The following ROBO1 variants were observed in gnomAD, a reference collection of about 807,000 sequenced individuals.
ROBO1 encodes roundabout homolog 1.
Under a neutral mutation model 195.9 loss-of-function variants are expected in ROBO1, and 149 were observed. The ratio of observed to expected loss-of-function variants is 0.76; its 90% CI spans 0.67 to 0.87. The LOEUF is 0.87. ROBO1 is among the 40% of genes least tolerant of loss of function. ROBO1 has a pLI of 0.00. For synonymous variants in ROBO1, 816 were observed against 733.2 expected, an observed-to-expected ratio of 1.11 and a Z score of -1.82; for missense variants, 1,933 against 2,068.3, an observed-to-expected ratio of 0.93 and a Z score of 1.27.
At chr3:79,165,199 G>A (rs1172299446) in intron 2 of ROBO1, among the ~76,000 whole-genome samples, 1 of 152,134 alleles carries the variant, frequency 6.6e-6, no homozygotes. Flanking sequence ...TATCATTCAC[G>A]CTAACAGTGG....
At chr3:79,295,324 T>C (rs1451065485) in intron 2 of ROBO1, among the ~76,000 whole-genome samples, 2 of 152,070 alleles carry the variant, frequency 1.3e-5, no homozygotes, top group Admixed American at 1.3e-4. Context: ...TTAGAAACCA[T>C]CATTCTCAGC....
At chr3:79,025,689 TA>T (rs2078191230) in intron 3 of ROBO1, among the ~76,000 whole-genome samples, 1 of 152,228 alleles carries the variant, frequency 6.6e-6, no homozygotes, top group Non-Finnish European at 1.5e-5. Flanking sequence ...CAGGGGACTT[TA>T]ATAACTTCAA....
intron 3 of ROBO1, among the ~76,000 whole-genome samples, chr3:78,992,295 T>G (rs1038075676): frequency 1.3e-5 from 2 of 152,058 alleles, no homozygotes; most frequent in African/African-American, 4.8e-5. Flanking sequence ...CCTCCACATG[T>G]CATTTCCTTG....
chr3:79,213,812 CTT>C (rs2082005626), intron 2 of ROBO1, among the ~76,000 whole-genome samples: 1 of 131,026 alleles, frequency 7.6e-6, no homozygotes, highest in African/African-American at 2.7e-5. Context: ...TAACTCTCCC[CTT>C]TCTTTTTTTT....
chr3:78,952,482 AATT>A (rs1484083935), intron 3 of ROBO1, among the ~76,000 whole-genome samples: 1 of 151,920 alleles, frequency 6.6e-6, no homozygotes, highest in African/African-American at 2.4e-5. Context: ...AACTGCCTCC[AATT>A]ATTAACATAA....
chr3:78,855,727 C>A lies in ROBO1; in HGVS notation c.499+82874G>T, dbSNP rs1171441771. Among the ~76,000 whole-genome samples, 3 of 151,328 alleles carry A rather than the reference C, an allele frequency of 2.0e-5. No homozygotes were observed. In the East Asian group the frequency reaches 5.9e-4, roughly 30 times the overall value. ...CTTAACTTTAAGACTAGGTCACAGA[C>A]AAGAATAACAAGGAAGAAACGTCTG... On this transcript the variant is annotated intron_variant, in intron 4 of 30. Transcript: ENST00000464233.
chr3:79,535,028 C>T (rs1053596485), intron 2 of ROBO1, among the ~76,000 whole-genome samples: 1 of 152,024 alleles, frequency 6.6e-6, no homozygotes, highest in South Asian at 2.1e-4. Context: ...ATCTTTTATA[C>T]GATCTCTCCT....
chr3:79,493,556 G>C (rs1448749058), intron 2 of ROBO1, among the ~76,000 whole-genome samples: 2 of 151,734 alleles, frequency 1.3e-5, no homozygotes, highest in African/African-American at 2.4e-5. Context: ...TTTGTTTTTT[G>C]TTTTGGTTAG....
At chr3:79,433,275 C>G (rs184079026) in intron 2 of ROBO1, among the ~76,000 whole-genome samples, 1 of 152,108 alleles carries the variant, frequency 6.6e-6, no homozygotes, top group Non-Finnish European at 1.5e-5. Context: ...GTAGAACATG[C>G]GGTATTTGGT....
intron 2 of ROBO1, among the ~76,000 whole-genome samples, chr3:79,569,762 G>A (rs1943217847): frequency 1.3e-5 from 2 of 151,590 alleles, no homozygotes; most frequent in African/African-American, 2.4e-5. Flanking sequence ...GACAATTCCT[G>A]AAGCTTTAGT....
intron 8 of ROBO1, among the ~76,000 whole-genome samples, chr3:78,713,830 G>T (rs1334025552): frequency 1.3e-5 from 2 of 152,208 alleles, no homozygotes; most frequent in South Asian, 2.1e-4. Flanking sequence ...AAGTACAACT[G>T]CAATTCGTTC....
Position 79,104,598 on chromosome 3 carries a change from C to T in ROBO1, c.172+20858G>A, listed in dbSNP as rs142448359. ...TATTTAAGATGCATGAGTCACTTGT[C>T]CAGCGATAGGCTTGCATTATCACTC... is the stretch of plus-strand genomic sequence containing the variant. On this transcript the variant is annotated intron_variant, in intron 3 of 30. Coordinates refer to ENST00000464233, the MANE Select transcript of ROBO1 (RefSeq NM_002941.4). Among the ~76,000 whole-genome samples, 606 of 151,660 alleles carry T rather than the reference C, an allele frequency of 4.0e-3. 6 individuals are homozygous for T. The highest frequency in any genetic ancestry group is 0.014 in the African/African-American group (569 of 41,460).
At chr3:78,866,678 T>C (rs957414890) in intron 4 of ROBO1, among the ~76,000 whole-genome samples, 3 of 152,198 alleles carry the variant, frequency 2.0e-5, no homozygotes, top group African/African-American at 7.2e-5. Flanking sequence ...AACTCTTATA[T>C]TGTTTAGTAA....
At chr3:79,359,579 G>T (rs1387094391) in intron 2 of ROBO1, among the ~76,000 whole-genome samples, 3 of 151,902 alleles carry the variant, frequency 2.0e-5, no homozygotes, top group Non-Finnish European at 4.4e-5. Flanking sequence ...GTCATGATAG[G>T]TTATATTTTC....
chr3:78,604,426 T>C (rs868532954), intron 29 of ROBO1, among the ~76,000 whole-genome samples: 1 of 152,198 alleles, frequency 6.6e-6, no homozygotes, highest in Non-Finnish European at 1.5e-5. Flanking sequence ...TGGCCAGATA[T>C]AAACCTCGCA....
In ROBO1 at chr3:78,776,508, C is replaced by T. The variant is rs182251325; in HGVS notation, c.500-29608G>A. On this transcript the variant is annotated intron_variant, in intron 4 of 30. Transcript: ENST00000464233. ...CACGTGATCCACCCACCTTGGCCTCCCAAAGTGCTGGGATCAGAGGCGTGA... is the reference window on the plus strand; with the variant it reads ...CACGTGATCCACCCACCTTGGCCTCTCAAAGTGCTGGGATCAGAGGCGTGA... 6.0e-3 allele frequency among the ~76,000 whole-genome samples: 918 copies of T among 152,260 alleles called. 10 individuals are homozygous for T. The highest frequency in any genetic ancestry group is 0.034 in the South Asian group (165 of 4,830).
chr3:79,128,206 T>G (rs1416449222), intron 2 of ROBO1, among the ~76,000 whole-genome samples: 1 of 152,150 alleles, frequency 6.6e-6, no homozygotes, highest in African/African-American at 2.4e-5. Context: ...AGGTCCTATA[T>G]TCCAGCTCTG....
At chr3:78,999,144 T>TA (rs374494794) in intron 3 of ROBO1, among the ~76,000 whole-genome samples, 3 of 150,830 alleles carry the variant, frequency 2.0e-5, no homozygotes, top group African/African-American at 4.9e-5. Flanking sequence ...GGAGATACCG[T>TA]AAAAAAAAAG....
chr3:79,493,509 T>C (rs1390396655), intron 2 of ROBO1, among the ~76,000 whole-genome samples: 3 of 152,058 alleles, frequency 2.0e-5, no homozygotes, highest in Non-Finnish European at 4.4e-5. Context: ...TTTTAAAGGA[T>C]TACATTGGAA....
Sources: allele counts gnomAD v4.1 joint callset (sites outside exome capture counted in the v4.1 genomes callset), GRCh38; gene constraint gnomAD v4.1.1; transcripts MANE v1.5; gene names NCBI Gene and HGNC (gene_info 2026-07-23, HGNC 2026-07-21).